The following ARHGAP24 variants were observed in gnomAD, a reference collection of about 807,000 sequenced individuals.
ARHGAP24 encodes Rho GTPase activating protein 24.
Under a neutral mutation model 76.4 loss-of-function variants are expected in ARHGAP24, and 50 were observed. The observed-to-expected ratio is 0.65, with a 90% CI of 0.52 to 0.83. The LOEUF is 0.83. ARHGAP24 is among the 40% of genes least tolerant of loss of function. The pLI, the probability that ARHGAP24 is intolerant of heterozygous loss-of-function variation, is 0.00. For missense variants in ARHGAP24, 930 were observed against 914.2 expected, an observed-to-expected ratio of 1.02 and a Z score of -0.22; for synonymous variants, 345 against 323.3, an observed-to-expected ratio of 1.07 and a Z score of -0.72.
rs115525336 is a variant in ARHGAP24 at position 85,574,227 on chromosome 4, G to A, written c.180+3506G>A. ...ACTGAGTTGTTTTACTCAATAAAAA[G>A]AGTCAAATCAAACTCCATCATTATC... On this transcript the variant is annotated intron_variant, in intron 2 of 9. Coordinates refer to ENST00000395184, the MANE Select transcript of ARHGAP24 (RefSeq NM_001025616.3). 2.5e-3 allele frequency among the ~76,000 whole-genome samples: 377 copies of A among 152,224 alleles called. 2 individuals carry two copies. Among genetic ancestry groups the A allele is most frequent in the African/African-American group, 8.8e-3 (367 of 41,522 alleles).
intron 2 of ARHGAP24, among the ~76,000 whole-genome samples, chr4:85,608,076 G>A (rs191009200): frequency 1.3e-5 from 2 of 152,258 alleles, no homozygotes; most frequent in Admixed American, 6.5e-5. Flanking sequence ...CTATTTAAGA[G>A]CCTTCTTTGT....
chr4:85,843,673 A>G (rs969809760), intron 3 of ARHGAP24, among the ~76,000 whole-genome samples: 1 of 152,100 alleles, frequency 6.6e-6, no homozygotes. Context: ...AAAATGTTTT[A>G]CCATGGGAAA....
chr4:85,622,051 C>G (rs560517520), intron 2 of ARHGAP24, among the ~76,000 whole-genome samples: 3 of 151,482 alleles, frequency 2.0e-5, no homozygotes, highest in Non-Finnish European at 4.4e-5. Context: ...TCCTTTTTTG[C>G]TTGTCTTAAG....
intron 3 of ARHGAP24, among the ~76,000 whole-genome samples, chr4:85,784,847 T>C (rs1727734281): frequency 6.6e-6 from 1 of 152,086 alleles, no homozygotes; most frequent in Admixed American, 6.6e-5. Context: ...CCCGCCCCAA[T>C]CCTTTTCTAC....
chr4:85,648,967 A>G (rs1470820697), intron 2 of ARHGAP24, among the ~76,000 whole-genome samples: 1 of 151,880 alleles, frequency 6.6e-6, no homozygotes, highest in Admixed American at 6.6e-5. Context: ...GAACTGTGTC[A>G]CATATGTGCA....
chr4:85,813,070 C>G (rs143518503), intron 3 of ARHGAP24, among the ~76,000 whole-genome samples: 386 of 152,216 alleles, frequency 2.5e-3, no homozygotes, highest in Middle Eastern at 0.01. Context: ...TTTTCTTTTT[C>G]AAGGAGGTAT....
chr4:85,927,595 C>T (rs138775456), intron 4 of ARHGAP24, among the ~76,000 whole-genome samples: 143 of 152,204 alleles, frequency 9.4e-4, no homozygotes, highest in African/African-American at 3.3e-3. Context: ...GAAACCCAGG[C>T]CCTGTTAATA....
chr4:85,755,057 T>A (rs1726422246), intron 3 of ARHGAP24, among the ~76,000 whole-genome samples: 1 of 152,200 alleles, frequency 6.6e-6, no homozygotes, highest in African/African-American at 2.4e-5. Flanking sequence ...AAAGAATGTA[T>A]CTTTGTGTCA....
chr4:85,947,354 A>C (rs994357898), intron 5 of ARHGAP24, among the ~76,000 whole-genome samples: 2 of 152,016 alleles, frequency 1.3e-5, no homozygotes, highest in African/African-American at 4.8e-5. Flanking sequence ...TCATTTGTCA[A>C]TTTTTGTTTT....
In ARHGAP24 at chr4:85,540,804, GTC is replaced by G. The variant is rs151288458; in HGVS notation, c.-20-29716_-20-29715del. Among the ~76,000 whole-genome samples the G allele has an allele frequency of 9.7e-3, 1,470 of 152,124 alleles. 12 individuals carry two copies. Among genetic ancestry groups the G allele is most frequent in the East Asian group, 0.019 (97 of 5,164 alleles). On this transcript the variant is annotated intron_variant, in intron 1 of 9. Transcript: ENST00000395184. ...ATTATTAGCAAACAATTCTCCATGAGTCTTATAAAATTCTGCTTGTCTTGTTA... is the reference window on the plus strand; with the variant it reads ...ATTATTAGCAAACAATTCTCCATGAGTTATAAAATTCTGCTTGTCTTGTTA...
intron 3 of ARHGAP24, among the ~76,000 whole-genome samples, chr4:85,840,350 A>AT (rs939664480): frequency 6.6e-6 from 1 of 152,176 alleles, no homozygotes; most frequent in African/African-American, 2.4e-5. Flanking sequence ...CCTGGACTGC[A>AT]TTTTACATCC....
intron 8 of ARHGAP24, among the ~76,000 whole-genome samples, chr4:85,989,083 A>G (rs1740171541): frequency 1.3e-5 from 2 of 151,576 alleles, no homozygotes; most frequent in Non-Finnish European, 3.0e-5. Flanking sequence ...AACAAAAACA[A>G]TCTAGAAAAC....
chr4:85,985,455 G>C (rs1739928611), intron 8 of ARHGAP24, among the ~76,000 whole-genome samples: 1 of 152,116 alleles, frequency 6.6e-6, no homozygotes, highest in Non-Finnish European at 1.5e-5. Context: ...CAGAGGAAGG[G>C]GAACAACACA....
At chr4:85,567,086 T>C (rs1484718892) in intron 1 of ARHGAP24, among the ~76,000 whole-genome samples, 1 of 152,164 alleles carries the variant, frequency 6.6e-6, no homozygotes, top group East Asian at 1.9e-4. Context: ...TGCCAGATGA[T>C]TCAGAGCCTT....
intron 2 of ARHGAP24, among the ~76,000 whole-genome samples, chr4:85,583,501 C>A (rs921977745): frequency 3.3e-5 from 5 of 152,098 alleles, no homozygotes; most frequent in Admixed American, 1.3e-4. Flanking sequence ...AGAAGAAAAC[C>A]TAGGCATTAC....
At chr4:85,887,488 A>G (rs189662012) in intron 3 of ARHGAP24, among the ~76,000 whole-genome samples, 4 of 152,324 alleles carry the variant, frequency 2.6e-5, no homozygotes, top group East Asian at 1.9e-4. Flanking sequence ...GATGGAACAA[A>G]TATCTTCCTG....
chr4:85,939,312 T>C (rs1390816514), intron 4 of ARHGAP24, among the ~76,000 whole-genome samples: 1 of 152,160 alleles, frequency 6.6e-6, no homozygotes, highest in Non-Finnish European at 1.5e-5. Context: ...AAATGAGGAC[T>C]CATGACTGTG....
chr4:85,503,835 C>T (rs1229897553), intron 1 of ARHGAP24, among the ~76,000 whole-genome samples: 1 of 152,212 alleles, frequency 6.6e-6, no homozygotes, highest in Non-Finnish European at 1.5e-5. Context: ...ATCGTTCCTG[C>T]TTTCTCTTGT....
At chr4:85,528,421 A>G (rs1367165955) in intron 1 of ARHGAP24, among the ~76,000 whole-genome samples, 1 of 152,094 alleles carries the variant, frequency 6.6e-6, no homozygotes, top group Non-Finnish European at 1.5e-5. Context: ...GTAGGTATGT[A>G]CACACAAAAA....
Sources: allele counts gnomAD v4.1 joint callset (sites outside exome capture counted in the v4.1 genomes callset), GRCh38; gene constraint gnomAD v4.1.1; transcripts MANE v1.5; gene names NCBI Gene and HGNC (gene_info 2026-07-23, HGNC 2026-07-21).